Variants in KLHL26 observed in about 807,000 individuals in gnomAD.
KLHL26 encodes the protein kelch-like protein 26.
KLHL26 carries 4 observed loss-of-function variants against 7.1 expected under a neutral mutation model. The observed-to-expected ratio is 0.56, with a 90% CI of 0.28 to 1.28. The LOEUF is 1.28. KLHL26 is among the 50% of genes most tolerant of loss of function. The probability of loss-of-function intolerance (pLI) is 0.11; values close to 1 mark genes in which losing one functional copy is unlikely to be tolerated. For missense variants in KLHL26, 896 were observed against 924.6 expected (o/e 0.97, Z 0.40); for synonymous variants, 465 against 414.1 (o/e 1.12, Z -1.49).
rs1227721278 is a variant in KLHL26 at position 18,670,872 on chromosome 19, C to G, written c.*1627C>G. The stretch of plus-strand genomic sequence containing the variant: ...CAGACGCAGACACACACCACCACAC[C>G]CGGCTAATTTTTGTATTTTTAGTAC... On this transcript the variant is annotated 3_prime_UTR_variant, in exon 3 of 3. Transcript: ENST00000300976. The G allele has an allele frequency of 1.3e-5, 2 of 152,132 alleles. No homozygotes were observed. The highest frequency in any genetic ancestry group is 2.9e-5 in the Non-Finnish European group (2 of 68,046). 9.4% of individuals were successfully genotyped at this position (152,132 alleles called of 1,614,324 possible). A position where few individuals can be genotyped will look rare whatever the true frequency, so the allele number is the denominator to read the frequency against.
Position 18,660,695 on chromosome 19 carries a change from C to T in KLHL26, c.84-3566C>T, listed in dbSNP as rs192852690. ...CCGTCCAGGCTGGGGGACTCCTGCC[C>T]CTCCTGGCCTCCTCCCTCCTTGAGT... is the stretch of plus-strand genomic sequence containing the variant. On this transcript the variant is annotated intron_variant, in intron 1 of 2. Transcript: ENST00000300976. Among the ~76,000 whole-genome samples, 1,210 of 152,316 alleles carry T rather than the reference C, an allele frequency of 7.9e-3. 12 individuals carry two copies. Among genetic ancestry groups the T allele is most frequent in the Non-Finnish European group, 0.013 (852 of 68,020 alleles).
At chr19:18,659,119 G>T (rs2145399366) in intron 1 of KLHL26, among the ~76,000 whole-genome samples, 1 of 150,930 alleles carries the variant, frequency 6.6e-6, no homozygotes, top group South Asian at 2.1e-4. Context: ...TCTGGGTCCT[G>T]TTTTTCTTTC....
At chr19:18,645,826 A>AC (rs1480310814) in intron 1 of KLHL26, among the ~76,000 whole-genome samples, 1 of 151,548 alleles carries the variant, frequency 6.6e-6, no homozygotes, top group Non-Finnish European at 1.5e-5. Context: ...AAAAAAAAAA[A>AC]AGAAGTGATG....
At chr19:18,667,383 TCTCA>T in intron 2 of KLHL26, 1 of 521,086 alleles carries the variant, frequency 1.9e-6, no homozygotes, top group South Asian at 2.1e-5. Flanking sequence ...TGTGACTGAG[TCTCA>T]CTCTGTCACC....
Position 18,649,725 on chromosome 19 carries a change from C to T in KLHL26, c.83+12588C>T, listed in dbSNP as rs1207905061. ...CAGCTGTGCGGACCAGCTCTCTTAACACTTGTTAACCCCAGCCTCCAGTCC... is the reference window on the plus strand; with the variant it reads ...CAGCTGTGCGGACCAGCTCTCTTAATACTTGTTAACCCCAGCCTCCAGTCC... On this transcript the variant is annotated intron_variant, in intron 1 of 2. Transcript: ENST00000300976. The surrounding 1 kb of genome is among the most constrained non-coding windows in gnomAD (Gnocchi z 4.0). 6.6e-6 allele frequency among the ~76,000 whole-genome samples: 1 copy of T among 152,210 alleles called. No homozygotes were observed. Among genetic ancestry groups the T allele is most frequent in the Non-Finnish European group, 1.5e-5 (1 of 68,032 alleles).
chr19:18,660,061 G>C (rs1193012775), intron 1 of KLHL26, among the ~76,000 whole-genome samples: 1 of 151,772 alleles, frequency 6.6e-6, no homozygotes, highest in African/African-American at 2.4e-5. Context: ...GCAACCCTTG[G>C]AGATCTCGGG....
chr19:18,667,368 GT>G (rs1288513420), intron 2 of KLHL26: 1 of 473,098 alleles, frequency 2.1e-6, no homozygotes, highest in South Asian at 2.2e-5. Context: ...TTGTTTGTTT[GT>G]TTTTGTGACT....
chr19:18,641,801 G>A (rs1462022880), intron 1 of KLHL26, among the ~76,000 whole-genome samples: 2 of 151,566 alleles, frequency 1.3e-5, no homozygotes, highest in East Asian at 1.9e-4. Context: ...GCTAATTTTT[G>A]TATTTTTAGT....
chr19:18,655,615 G>A (rs994577950), intron 1 of KLHL26, among the ~76,000 whole-genome samples: 3 of 148,672 alleles, frequency 2.0e-5, no homozygotes, highest in South Asian at 2.1e-4. Flanking sequence ...GTGCTCCCTC[G>A]GTCCGTGAAG....
intron 1 of KLHL26, among the ~76,000 whole-genome samples, chr19:18,660,534 CCT>C (rs1427795743): frequency 6.6e-5 from 10 of 152,346 alleles, no homozygotes; most frequent in African/African-American, 2.4e-4. Context: ...CCGGCCGCCC[CCT>C]GTCTGGACCA....
intron 1 of KLHL26, among the ~76,000 whole-genome samples, chr19:18,643,006 G>C (rs1393291871): frequency 1.3e-5 from 2 of 151,624 alleles, no homozygotes; most frequent in Non-Finnish European, 2.9e-5. Flanking sequence ...AATAATTTTT[G>C]TATTTTTAAT....
chr19:18,665,517 G>A (rs1250907112), intron 2 of KLHL26, among the ~76,000 whole-genome samples: 8 of 152,340 alleles, frequency 5.3e-5, no homozygotes, highest in African/African-American at 1.2e-4. Context: ...ATCGAGGGCC[G>A]CAGAGACCCT....
chr19:18,661,888 T>C (rs926584165), intron 1 of KLHL26, among the ~76,000 whole-genome samples: 6 of 151,942 alleles, frequency 3.9e-5, no homozygotes, highest in African/African-American at 1.2e-4. Context: ...TTAGCCCACA[T>C]TCTTTGTGCA....
intron 1 of KLHL26, among the ~76,000 whole-genome samples, chr19:18,653,489 C>T (rs1048406702): frequency 7.3e-6 from 1 of 136,110 alleles, no homozygotes; most frequent in African/African-American, 2.8e-5. Context: ...CCTACCCATG[C>T]CACCCACCCT....
chr19:18,657,572 G>A (rs1462642971), intron 1 of KLHL26, among the ~76,000 whole-genome samples: 1 of 152,052 alleles, frequency 6.6e-6, no homozygotes, highest in Admixed American at 6.6e-5. Flanking sequence ...CTGGGTCTCT[G>A]TCTCCCCATC....
Position 18,650,486 on chromosome 19 carries a change from T to C in KLHL26, c.83+13349T>C, listed in dbSNP as rs534926901. 1.1e-4 allele frequency among the ~76,000 whole-genome samples: 17 copies of C among 152,288 alleles called. No homozygotes were observed. The highest frequency in any genetic ancestry group is 7.2e-4 in the Admixed American group (11 of 15,300). ...TTCGAGTTGGAAGCACGCGTTCTCC[T>C]TGGTGAAGTCCGTCCTGTCCCAGGA... On this transcript the variant is annotated intron_variant, in intron 1 of 2. Coordinates refer to ENST00000300976, the MANE Select transcript of KLHL26 (RefSeq NM_018316.3). This position sits in a 1 kb window ranked among gnomAD's most constrained non-coding sequence, Gnocchi z 4.2.
At chr19:18,652,476 G>C (rs975940450) in intron 1 of KLHL26, among the ~76,000 whole-genome samples, 6 of 151,588 alleles carry the variant, frequency 4.0e-5, no homozygotes, top group African/African-American at 1.5e-4. Flanking sequence ...TATAGTCCCA[G>C]CTACTCAGGA....
intron 2 of KLHL26, among the ~76,000 whole-genome samples, chr19:18,666,369 G>A (rs538207538): frequency 5.3e-5 from 8 of 152,246 alleles, no homozygotes; most frequent in East Asian, 1.9e-4. Flanking sequence ...CCTCCTCCTC[G>A]GACGGCCATC....
At chr19:18,644,613 G>A (rs1419359859) in intron 1 of KLHL26, 1 of 152,276 alleles carries the variant, frequency 6.6e-6, no homozygotes, top group African/African-American at 2.4e-5. Flanking sequence ...GGGAGGAAGG[G>A]AGGGATGGGG....
Sources: allele counts gnomAD v4.1 joint callset (sites outside exome capture counted in the v4.1 genomes callset), GRCh38; gene constraint gnomAD v4.1.1; non-coding constraint Gnocchi (gnomAD v3.1); transcripts MANE v1.5; gene names NCBI Gene and HGNC (gene_info 2026-07-23, HGNC 2026-07-21).